Variants in CHIC1 observed in about 807,000 individuals in gnomAD.
CHIC1 encodes the protein cysteine rich hydrophobic domain 1.
A neutral mutation model predicts 18.5 loss-of-function variants in CHIC1; 7 were observed. That is an observed-to-expected ratio of 0.38 (90% CI 0.22 to 0.71). The LOEUF (loss-of-function observed/expected upper bound fraction) is 0.71. Ranked by LOEUF, CHIC1 falls within the 30% of genes least tolerant of loss-of-function variation. The pLI is 0.49. For missense variants in CHIC1, 159 were observed against 176.9 expected (o/e 0.90, Z 0.57); for synonymous variants, 77 against 73.5 (o/e 1.05, Z -0.25).
chrX:73,601,134 A>G (rs2057646069), intron 3 of CHIC1, among the ~76,000 whole-genome samples: 1 of 106,401 alleles, frequency 9.4e-6, no homozygotes, highest in East Asian at 2.9e-4. Flanking sequence ...CCCCACTGTC[A>G]ACATTAGACA....
chrX:73,579,771 A>G (rs1291565567), intron 2 of CHIC1, among the ~76,000 whole-genome samples: 1 of 110,698 alleles, frequency 9.0e-6, no homozygotes, highest in East Asian at 2.8e-4. Context: ...GCGGCAGCCT[A>G]TACTTAGATT....
Position 73,563,559 on chromosome X carries a change from G to A in CHIC1, c.275G>A (p.Arg92Gln). ...TATGCTCCCGACCCTGTATTAGTGC[G>A]GGGTGCCGGCCACATCACTGTGTAA... ...RRYAPDPVLV[R>Q]GAGHITVFGL... The change falls in exon 1 of 6, where the codon CGG becomes CAG. Residue 92 changes from arginine (R) to glutamine (Q), a missense_variant. By Grantham distance (43) the Arg-to-Gln change is conservative. Transcript: ENST00000373502. 1 of 1,113,669 alleles carries A rather than the reference G, an allele frequency of 9.0e-7. No individual in the cohort carries two copies. The allele number at this position is 1,113,669 out of a possible 1,213,427, so 91.8% of individuals were successfully genotyped here. A position where few individuals can be genotyped will look rare whatever the true frequency, so the allele number is the denominator to read the frequency against.
chrX:73,613,463 A>T (rs1383955357), intron 3 of CHIC1, among the ~76,000 whole-genome samples: 1 of 110,894 alleles, frequency 9.0e-6, no homozygotes, highest in Non-Finnish European at 1.9e-5. Flanking sequence ...CTCTTATCAT[A>T]TGATTTGTGC....
intron 3 of CHIC1, among the ~76,000 whole-genome samples, chrX:73,658,043 T>A (rs1009911881): frequency 3.6e-5 from 4 of 110,863 alleles, no homozygotes; most frequent in African/African-American, 1.3e-4. Context: ...GATTTTTGCA[T>A]TGATGTCGTC....
intron 3 of CHIC1, among the ~76,000 whole-genome samples, chrX:73,631,112 A>G (rs1334513587): frequency 9.0e-6 from 1 of 110,747 alleles, no homozygotes; most frequent in African/African-American, 3.3e-5. Context: ...TTCATTTATG[A>G]TTTTATTTAT....
At chrX:73,658,531 T>C (rs1310172125) in intron 3 of CHIC1, among the ~76,000 whole-genome samples, 2 of 109,395 alleles carry the variant, frequency 1.8e-5, no homozygotes, top group African/African-American at 6.7e-5. Flanking sequence ...TCTTCTCTCT[T>C]TTTTTCTTTA....
chrX:73,616,376 C>T (rs1384543816), intron 3 of CHIC1, among the ~76,000 whole-genome samples: 2 of 111,443 alleles, frequency 1.8e-5, no homozygotes, highest in Non-Finnish European at 3.8e-5. Context: ...CACAGGCTGG[C>T]GTTGAATGTC....
chrX:73,664,271 G>C (rs763752647), intron 3 of CHIC1, among the ~76,000 whole-genome samples: 105 of 111,631 alleles, frequency 9.4e-4, no homozygotes, highest in Non-Finnish European at 1.7e-3. Flanking sequence ...ATATAGAAAG[G>C]GGTTGTTTTC....
At chrX:73,634,029 T>A (rs2057820527) in intron 3 of CHIC1, among the ~76,000 whole-genome samples, 1 of 112,304 alleles carries the variant, frequency 8.9e-6, no homozygotes, top group African/African-American at 3.2e-5. Context: ...TCTTTGTGGA[T>A]TCTCTATTTA....
At chrX:73,598,902 G>A (rs1237833635) in intron 3 of CHIC1, among the ~76,000 whole-genome samples, 2 of 107,446 alleles carry the variant, frequency 1.9e-5, no homozygotes, top group African/African-American at 3.4e-5. Context: ...CTGAGGAATC[G>A]CCACACTGAC....
intron 1 of CHIC1, among the ~76,000 whole-genome samples, chrX:73,572,668 G>C (rs12393690): frequency 0.012 from 1,295 of 110,813 alleles, 8 homozygotes; most frequent in Middle Eastern, 0.028. Flanking sequence ...ACTGGCATGA[G>C]ATGTAGTTTT....
chrX:73,637,463 A>G (rs938450543), intron 3 of CHIC1, among the ~76,000 whole-genome samples: 3 of 110,673 alleles, frequency 2.7e-5, no homozygotes, highest in African/African-American at 9.8e-5. Context: ...TTCTGCTCCT[A>G]TATCCCAAGT....
chrX:73,679,401 A>T lies in CHIC1; in HGVS notation c.564+19A>T. 1 of 1,022,979 alleles carries T rather than the reference A, an allele frequency of 9.8e-7. No homozygotes were observed. The allele number at this position is 1,022,979 out of a possible 1,213,427, so 84.3% of individuals were successfully genotyped here. A position where few individuals can be genotyped will look rare whatever the true frequency, so the allele number is the denominator to read the frequency against. ...TCACAAGGTAAGAAATTTTAAGCAC[A>T]TAAGTGCCCCATTCATATATTTGCA... On this transcript the variant is annotated intron_variant, in intron 4 of 5. Coordinates refer to ENST00000373502, the MANE Select transcript of CHIC1 (RefSeq NM_001039840.4).
At chrX:73,567,460 A>G (rs1467877114) in intron 1 of CHIC1, among the ~76,000 whole-genome samples, 2 of 110,544 alleles carry the variant, frequency 1.8e-5, no homozygotes, top group Non-Finnish European at 3.8e-5. Context: ...CTGCTAAGCA[A>G]TTAGCAAATA....
At chrX:73,644,590 G>A (rs1021900926) in intron 3 of CHIC1, among the ~76,000 whole-genome samples, 30 of 112,458 alleles carry the variant, frequency 2.7e-4, no homozygotes, top group South Asian at 7.3e-4. Flanking sequence ...AATGGCAGGC[G>A]CCCCTCCCCC....
At chrX:73,571,378 G>A (rs915180854) in intron 1 of CHIC1, among the ~76,000 whole-genome samples, 2 of 111,259 alleles carry the variant, frequency 1.8e-5, no homozygotes, top group Non-Finnish European at 1.9e-5. Flanking sequence ...TTTACTCTTC[G>A]TGTAATAATG....
rs921851384 is a variant in CHIC1, at chrX:73,604,692, C to A, written c.507+20120C>A. 2.5e-4 allele frequency among the ~76,000 whole-genome samples: 27 copies of A among 108,856 alleles called. 5 individuals are homozygous for A. Among genetic ancestry groups the A allele is most frequent in the African/African-American group, 9.3e-4 (26 of 28,020 alleles). The allele number at this position is 108,856 out of a possible 115,157, so 94.5% of individuals were successfully genotyped here. A position where few individuals can be genotyped will look rare whatever the true frequency, so the allele number is the denominator to read the frequency against. ...CTGCTTTAGTTGTGTCCCAGAGATT[C>A]TGGTATGTTGTGTCTTTGTTGTCAT... is the stretch of plus-strand genomic sequence containing the variant. On this transcript the variant is annotated intron_variant, in intron 3 of 5. Transcript: ENST00000373502.
chrX:73,609,295 T>A (rs757772382), intron 3 of CHIC1, among the ~76,000 whole-genome samples: 2 of 109,087 alleles, frequency 1.8e-5, no homozygotes, highest in Non-Finnish European at 3.8e-5. Flanking sequence ...ACAAAAACCT[T>A]TTAGTCTTTT....
At chrX:73,617,828 C>A (rs926435044) in intron 3 of CHIC1, among the ~76,000 whole-genome samples, 5 of 111,630 alleles carry the variant, frequency 4.5e-5, no homozygotes, top group African/African-American at 1.6e-4. Context: ...GGGACACAGC[C>A]AAACCATATC....
Sources: gnomAD v4.1 joint callset for allele counts (sites outside exome capture counted in the v4.1 genomes callset) on GRCh38, gnomAD v4.1.1 for gene constraint, MANE v1.5 for transcripts, NCBI Gene and HGNC (gene_info 2026-07-23, HGNC 2026-07-21) for gene names.